The following TCF12 variants were observed in gnomAD, a reference collection of about 807,000 sequenced individuals.
TCF12 encodes the protein transcription factor 12.
TCF12 carries 45 observed loss-of-function variants against 86.0 expected under a neutral mutation model. The observed-to-expected ratio is 0.52, with a 90% CI of 0.41 to 0.67. The LOEUF (loss-of-function observed/expected upper bound fraction) is 0.67, where lower values mean the gene tolerates loss of function less well. TCF12 is among the 30% of genes least tolerant of loss of function. The pLI, the probability that TCF12 is intolerant of heterozygous loss-of-function variation, is 0.00. For missense variants in TCF12, 881 were observed against 859.9 expected, an observed-to-expected ratio of 1.02 and a Z score of -0.31; for synonymous variants, 330 against 299.6, an observed-to-expected ratio of 1.10 and a Z score of -1.05.
chr15:56,947,475 T>C (rs562801108), intron 3 of TCF12, among the ~76,000 whole-genome samples: 1 of 152,324 alleles, frequency 6.6e-6, no homozygotes, highest in African/African-American at 2.4e-5. Context: ...ATGACTGCTC[T>C]GCTCAAAAAT....
intron 8 of TCF12, among the ~76,000 whole-genome samples, chr15:57,207,456 AG>A (rs2057886029): frequency 6.6e-6 from 1 of 152,174 alleles, no homozygotes; most frequent in Non-Finnish European, 1.5e-5. Context: ...GGATCACTTA[AG>A]GTCAGGAGTT....
intron 3 of TCF12, among the ~76,000 whole-genome samples, chr15:57,054,315 A>G (rs1567328294): frequency 6.6e-6 from 1 of 152,240 alleles, no homozygotes; most frequent in African/African-American, 2.4e-5. Context: ...ATTCATTAAA[A>G]TGTACTTGAT....
At chr15:57,033,206 A>T (rs573669002) in intron 3 of TCF12, among the ~76,000 whole-genome samples, 90 of 152,194 alleles carry the variant, frequency 5.9e-4, no homozygotes, top group Non-Finnish European at 1.1e-3. Flanking sequence ...AACTTATGTC[A>T]TTGAATTTCC....
At chr15:57,106,407 C>G (rs1326822661) in intron 5 of TCF12, among the ~76,000 whole-genome samples, 12 of 152,116 alleles carry the variant, frequency 7.9e-5, no homozygotes, top group Non-Finnish European at 1.6e-4. Context: ...TAAAATTATT[C>G]CAAAATAAAA....
chr15:56,995,668 G>A (rs944516195), intron 3 of TCF12, among the ~76,000 whole-genome samples: 14 of 152,054 alleles, frequency 9.2e-5, no homozygotes, highest in African/African-American at 3.4e-4. Flanking sequence ...TATTGTAGTT[G>A]CCTATCAGCT....
rs757652337 is a variant in TCF12 at position 57,170,897 on chromosome 15, C to G, written c.390+4431C>G. On this transcript the variant is annotated intron_variant, in intron 6 of 20. Transcript: ENST00000333725. ...GCTCAAGCAATTTTCCTGCCTCATC[C>G]TGACAAAGTGCTGTGATTACAGACA... Among the ~76,000 whole-genome samples, 14 of 138,722 alleles carry G rather than the reference C, an allele frequency of 1.0e-4. No individual in the cohort carries two copies. In the South Asian group the frequency reaches 1.3e-3, roughly 13 times the overall value. The allele number at this position is 138,722 out of a possible 152,430, so 91.0% of individuals were successfully genotyped here.
chr15:57,251,226 G>A (rs1335203568), intron 13 of TCF12, 124 bp from the exon 14 acceptor site: 1 of 749,194 alleles, frequency 1.3e-6, no homozygotes, highest in Admixed American at 2.6e-5. Context: ...ATACTATGCT[G>A]AAGGCCAAAC....
chr15:57,075,835 T>TTTC lies in TCF12; in HGVS notation c.222+12014_222+12015insCTT, dbSNP rs1555498796. On this transcript the variant is annotated intron_variant, in intron 4 of 20. Coordinates refer to ENST00000333725, the MANE Select transcript of TCF12 (RefSeq NM_207037.2). Reference sequence around the variant, plus strand: ...CTCTCTCTCTCTCTCTCTCTCTCTCTTTTCTTTCTTTCTTTCTTTCTTTCT... The same window carrying TTTC: ...CTCTCTCTCTCTCTCTCTCTCTCTCTTTCTTTCTTTCTTTCTTTCTTTCTTTCT... 1.6e-3 allele frequency among the ~76,000 whole-genome samples: 78 copies of TTTC among 49,994 alleles called. 2 individuals are homozygous for TTTC. The highest frequency in any genetic ancestry group is 2.9e-3 in the Admixed American group (12 of 4,158). 32.8% of individuals were successfully genotyped at this position (49,994 alleles called of 152,430 possible). A position where few individuals can be genotyped will look rare whatever the true frequency, so the allele number is the denominator to read the frequency against.
intron 3 of TCF12, among the ~76,000 whole-genome samples, chr15:56,974,225 A>G (rs1386159462): frequency 6.6e-6 from 1 of 152,126 alleles, no homozygotes; most frequent in Non-Finnish European, 1.5e-5. Flanking sequence ...ACTGAAATAT[A>G]TAGAGTAATA....
intron 20 of TCF12, among the ~76,000 whole-genome samples, chr15:57,283,664 G>C (rs148054469): frequency 3.9e-4 from 60 of 152,304 alleles, no homozygotes; most frequent in African/African-American, 1.4e-3. Context: ...TGAGTGCGGG[G>C]TGTGGAACAG....
intron 12 of TCF12, among the ~76,000 whole-genome samples, chr15:57,238,815 C>G (rs1479589991): frequency 2.0e-5 from 3 of 152,142 alleles, no homozygotes; most frequent in Non-Finnish European, 1.5e-5. Flanking sequence ...GGAGAGAAGA[C>G]AGATATACAA....
At chr15:57,170,356 G>A (rs911987562) in intron 6 of TCF12, among the ~76,000 whole-genome samples, 2 of 151,294 alleles carry the variant, frequency 1.3e-5, no homozygotes, top group African/African-American at 4.9e-5. Context: ...CTGGGCTCAA[G>A]GGATGTAAGG....
chr15:57,069,652 A>C (rs901121104), intron 4 of TCF12, among the ~76,000 whole-genome samples: 1 of 152,214 alleles, frequency 6.6e-6, no homozygotes, highest in African/African-American at 2.4e-5. Flanking sequence ...TGGCTAGGCT[A>C]TGTGACTAGT....
chr15:57,037,004 A>G (rs567869096), intron 3 of TCF12, among the ~76,000 whole-genome samples: 66 of 152,324 alleles, frequency 4.3e-4, no homozygotes, highest in African/African-American at 1.5e-3. Flanking sequence ...GGTTATTTCA[A>G]TTAAGTGAAG....
intron 6 of TCF12, among the ~76,000 whole-genome samples, chr15:57,188,738 A>T (rs2056818299): frequency 6.6e-6 from 1 of 152,360 alleles, no homozygotes; most frequent in African/African-American, 2.4e-5. Flanking sequence ...GGATATCCAC[A>T]TGCAAAAGAA....
At chr15:57,041,774 A>G (rs1267927665) in intron 3 of TCF12, among the ~76,000 whole-genome samples, 1 of 152,202 alleles carries the variant, frequency 6.6e-6, no homozygotes, top group East Asian at 1.9e-4. Flanking sequence ...AAATAGGAAA[A>G]TGGTCTTTGG....
chr15:57,021,258 G>A (rs1041719689), intron 3 of TCF12, among the ~76,000 whole-genome samples: 25 of 152,186 alleles, frequency 1.6e-4, no homozygotes, highest in Admixed American at 6.5e-5. Flanking sequence ...AACGTTGATC[G>A]TGTTTCTAGC....
At chr15:57,027,702 A>C (rs1262076249) in intron 3 of TCF12, among the ~76,000 whole-genome samples, 1 of 152,070 alleles carries the variant, frequency 6.6e-6, no homozygotes, top group Non-Finnish European at 1.5e-5. Context: ...GTCCCCACCC[A>C]AATCTCATCT....
intron 3 of TCF12, among the ~76,000 whole-genome samples, chr15:57,039,039 A>G (rs1419287206): frequency 6.6e-6 from 1 of 152,164 alleles, no homozygotes; most frequent in African/African-American, 2.4e-5. Flanking sequence ...TAATTGTCAA[A>G]TGATACTTTC....
Sources: allele counts gnomAD v4.1 joint callset (sites outside exome capture counted in the v4.1 genomes callset), GRCh38; gene constraint gnomAD v4.1.1; transcripts MANE v1.5; gene names NCBI Gene and HGNC (gene_info 2026-07-23, HGNC 2026-07-21).